The following ENO4 variants were observed in gnomAD, a reference collection of about 807,000 sequenced individuals.
ENO4 encodes the protein enolase 4, also known as 2-phospho-D-glycerate hydro-lyase.
ENO4 carries 53 observed loss-of-function variants against 63.2 expected under a neutral mutation model. That is an observed-to-expected ratio of 0.84 (90% confidence interval 0.67 to 1.05). ENO4 has a LOEUF of 1.05. Among genes scored for constraint, ENO4 ranks in the 50% least tolerant of loss-of-function variants. The probability of loss-of-function intolerance (pLI) is 0.00; values close to 1 mark genes in which losing one functional copy is unlikely to be tolerated. For synonymous variants in ENO4, 266 were observed against 283.8 expected, an observed-to-expected ratio of 0.94 and a Z score of 0.63; for missense variants, 719 against 772.0, an observed-to-expected ratio of 0.93 and a Z score of 0.81.
At chr10:116,861,227 A>AG in intron 6 of ENO4, 37 bp downstream of exon 6, 3 of 551,240 alleles carry the variant, frequency 5.4e-6, no homozygotes, top group Non-Finnish European at 7.7e-6. Context: ...TTTCTAAAAA[A>AG]AAAAAAAAAA....
chr10:116,860,788 C>T lies in ENO4; in HGVS notation c.635-6C>T. On this transcript the variant is annotated splice_polypyrimidine_tract_variant and splice_region_variant and intron_variant, in intron 4 of 13. Transcript: ENST00000341276. ...ACAGTCTTACTCTCAATATTTCTCC[C>T]TCCAGGGAGGAAGGATACTATTACA... 1 of 1,475,010 alleles carries T rather than the reference C, an allele frequency of 6.8e-7. No individual in the cohort carries two copies. The highest frequency in any genetic ancestry group is 1.4e-5 in the African/African-American group (1 of 71,504). The allele number at this position is 1,475,010 out of a possible 1,614,324, so 91.4% of individuals were successfully genotyped here.
At position 116,856,641 on chromosome 10, in the gene ENO4, G is replaced by T. The variant is rs1846267514; in HGVS notation, c.444G>T (p.Gly148=). The change falls in exon 3 of 14, where the codon GGG becomes GGT. Residue 148 remains glycine (G), a synonymous_variant. Coordinates refer to ENST00000341276, the MANE Select transcript of ENO4 (RefSeq NM_001242699.2). The part of the protein sequence containing the change: ...VNSTITHELQ[G]MAPSDQAEVD... ...GCACCATCACGCACGAGCTCCAGGGGATGGCACCCTCTGACCAGGCAGAGG... is the reference window on the plus strand; with the variant it reads ...GCACCATCACGCACGAGCTCCAGGGTATGGCACCCTCTGACCAGGCAGAGG... 1 of 1,535,460 alleles carries T rather than the reference G, an allele frequency of 6.5e-7. No homozygotes were observed. The highest frequency in any genetic ancestry group is 1.2e-5 in the South Asian group (1 of 83,960).
At position 116,899,961 on chromosome 10, in the gene ENO4, A is replaced by G. The variant is rs191606500; in HGVS notation, c.1195-11538A>G. ...ACTGTTAAAGCTTACATGTAACTACATTAAGTTAAAATTCTTTTAGTCATT... is the reference window on the plus strand; with the variant it reads ...ACTGTTAAAGCTTACATGTAACTACGTTAAGTTAAAATTCTTTTAGTCATT... On this transcript the variant is annotated intron_variant, in intron 10 of 10. Transcript: ENST00000369207. 3.9e-3 allele frequency among the ~76,000 whole-genome samples: 595 copies of G among 152,314 alleles called. 2 individuals are homozygous for G. The highest frequency in any genetic ancestry group is 4.5e-3 in the Non-Finnish European group (303 of 68,030).
chr10:116,891,031 G>A lies in ENO4; in HGVS notation c.1194+11045G>A, dbSNP rs557628361. ...TTCAAATTAACTAATGCCCAAAAGA[G>A]CCCTAATAGACGTGGTTCTGAGCTC... On this transcript the variant is annotated intron_variant, in intron 10 of 10. Transcript: ENST00000369207. Among the ~76,000 whole-genome samples, 12 of 152,280 alleles carry A rather than the reference G, an allele frequency of 7.9e-5. No individual in the cohort carries two copies. The South Asian group carries it at 2.5e-3, about 32-fold the overall frequency.
downstream of ENO4, among the ~76,000 whole-genome samples, chr10:116,887,037 C>T (rs968212931): frequency 1.3e-5 from 2 of 152,104 alleles, no homozygotes; most frequent in Non-Finnish European, 2.9e-5. Flanking sequence ...AATCACCCCT[C>T]ATCACTGATG....
chr10:116,876,302 T>C lies in ENO4; in HGVS notation c.1537+42T>C, dbSNP rs979583502. On this transcript the variant is annotated intron_variant, in intron 11 of 13. Coordinates refer to ENST00000341276, the MANE Select transcript of ENO4 (RefSeq NM_001242699.2). ...ATCTGAAAGACTCGTAATGACTTGG[T>C]TATACAAGAAACCAAAAATACACAG... The C allele has an allele frequency of 4.2e-6, 6 of 1,442,360 alleles. No individual in the cohort carries two copies. In the South Asian group the frequency reaches 7.3e-5, roughly 17 times the overall value. The allele number at this position is 1,442,360 out of a possible 1,614,324, so 89.3% of individuals were successfully genotyped here.
rs1846931117 is a variant in ENO4, at chr10:116,879,321, C to T, written c.1568C>T (p.Thr523Ile). ...SKKHITVFGS[T>I]EGESSDDSLV... is the part of the protein sequence containing the mutation. ...AAGCACATCACTGTCTTTGGAAGTA[C>T]AGAAGGAGAATCATCTGATGACAGC... The change falls in exon 12 of 14, where the codon ACA becomes ATA. Residue 523 changes from threonine to isoleucine, a missense_variant. Transcript: ENST00000341276. 2 of 1,550,696 alleles carry T rather than the reference C, an allele frequency of 1.3e-6. No individual in the cohort carries two copies. The highest frequency in any genetic ancestry group is 1.4e-5 in the African/African-American group (1 of 73,126).
In ENO4 at chr10:116,879,794, T is replaced by C. The variant is rs1156424076; in HGVS notation, c.1606-75T>C. The C allele has an allele frequency of 5.2e-6, 6 of 1,146,148 alleles. No individual in the cohort carries two copies. The Middle Eastern group carries it at 6.0e-4, about 114-fold the overall frequency. 71.0% of individuals were successfully genotyped at this position (1,146,148 alleles called of 1,614,324 possible). Reference sequence around the variant, plus strand: ...AACAGCACACTGTGACAGTTTCCTTTGTCTTTAAAGAATTGTTTGTCGTTT... The same window carrying C: ...AACAGCACACTGTGACAGTTTCCTTCGTCTTTAAAGAATTGTTTGTCGTTT... On this transcript the variant is annotated intron_variant, in intron 12 of 13. Coordinates refer to ENST00000341276, the MANE Select transcript of ENO4 (RefSeq NM_001242699.2).
chr10:116,854,940 C>CAAAAAAAAAAA (rs71013620), intron 1 of ENO4, among the ~76,000 whole-genome samples: 10 of 41,524 alleles, frequency 2.4e-4, no homozygotes, highest in African/African-American at 9.8e-4. Flanking sequence ...GACCCTGTCT[C>CAAAAAAAAAAA]AAAAAAAAAA....
chr10:116,902,605 C>A (rs1847789545), intron 10 of ENO4, among the ~76,000 whole-genome samples: 1 of 152,168 alleles, frequency 6.6e-6, no homozygotes, highest in Middle Eastern at 3.2e-3. Context: ...ATTGGCATAT[C>A]AATCTAAAAA....
intron 13 of ENO4, 174 bp from the exon 14 acceptor site, chr10:116,881,341 G>A (rs1212495667): frequency 9.1e-6 from 5 of 552,462 alleles, no homozygotes; most frequent in Non-Finnish European, 3.2e-6. Flanking sequence ...CATCTGTATG[G>A]CACAATTAAC....
At chr10:116,899,723 A>G (rs1847664148) in intron 10 of ENO4, among the ~76,000 whole-genome samples, 1 of 152,174 alleles carries the variant, frequency 6.6e-6, no homozygotes, top group South Asian at 2.1e-4. Context: ...GAATGCAAAG[A>G]CAGTTTTTAA....
At chr10:116,902,999 G>GT (rs1213126150) in intron 10 of ENO4, among the ~76,000 whole-genome samples, 1 of 152,120 alleles carries the variant, frequency 6.6e-6, no homozygotes, top group African/African-American at 2.4e-5. Context: ...GTATAATAGC[G>GT]TAACATATCA....
At chr10:116,886,715 AAAAG>A, downstream of ENO4, 1 of 1,092,500 alleles carries the variant, frequency 9.2e-7, no homozygotes, top group Non-Finnish European at 1.3e-6. Context: ...CCAGCCATTT[AAAAG>A]AAAAAATGAA....
In ENO4 at chr10:116,901,536, C is replaced by T. The variant is rs575708645; in HGVS notation, c.1195-9963C>T. The stretch of plus-strand genomic sequence containing the variant: ...GTGTAGAAGAACCTGATTACCAAAC[C>T]AGTTTAGGGGAAGTAATTCTCTTTG... On this transcript the variant is annotated intron_variant, in intron 10 of 10. Coordinates refer to the ENO4 transcript ENST00000369207. The T allele has an allele frequency of 2.5e-4, 249 of 985,278 alleles. 1 individual carries two copies. Among genetic ancestry groups the T allele is most frequent in the Admixed American group, 8.0e-4 (13 of 16,262 alleles). The allele number at this position is 985,278 out of a possible 1,614,324, so 61.0% of individuals were successfully genotyped here.
chr10:116,855,842 G>C, intron 2 of ENO4, 91 bp downstream of exon 2: 1 of 1,346,208 alleles, frequency 7.4e-7, no homozygotes, highest in Non-Finnish European at 9.8e-7. Context: ...TTATTGTTTT[G>C]AAATTCAGTG....
At chr10:116,874,538 C>T (rs1460188725) in intron 10 of ENO4, among the ~76,000 whole-genome samples, 1 of 152,186 alleles carries the variant, frequency 6.6e-6, no homozygotes. Flanking sequence ...ATGGAAGCTG[C>T]CCCTGCTGTG....
At chr10:116,860,486 T>C (rs1846380243) in intron 4 of ENO4, among the ~76,000 whole-genome samples, 2 of 152,220 alleles carry the variant, frequency 1.3e-5, no homozygotes, top group African/African-American at 4.8e-5. Flanking sequence ...TGTTACATGT[T>C]GGGCAAGTCT....
chr10:116,883,919 G>GA (rs568339770), downstream of ENO4: 531 of 192,388 alleles, frequency 2.8e-3, no homozygotes, highest in South Asian at 8.2e-3. Flanking sequence ...TATTCTTCCA[G>GA]AAAAAAAAAG....
Sources: allele counts gnomAD v4.1 joint callset (sites outside exome capture counted in the v4.1 genomes callset), GRCh38; gene constraint gnomAD v4.1.1; transcripts MANE v1.5; gene names NCBI Gene and HGNC (gene_info 2026-07-23, HGNC 2026-07-21).